Variants in MATR3 observed in about 807,000 individuals in gnomAD.
The protein encoded by MATR3 is matrin-3.
In MATR3, 4 loss-of-function variants were observed where a neutral mutation model predicts 85.5. The ratio of observed to expected loss-of-function variants is 0.05; its 90% CI spans 0.02 to 0.11. The LOEUF is 0.11. Ranked by LOEUF, MATR3 falls within the 10% of genes least tolerant of loss-of-function variation. MATR3 has a pLI of 1.00. For missense variants in MATR3, 685 were observed against 1,016.1 expected (o/e 0.67, Z 4.43); for synonymous variants, 336 against 343.1 (o/e 0.98, Z 0.23).
At chr5:139,288,131 T>C (rs1270418732) in intron 3 of MATR3, among the ~76,000 whole-genome samples, 2 of 152,098 alleles carry the variant, frequency 1.3e-5, no homozygotes, top group African/African-American at 2.4e-5. Context: ...GAAGGAACAC[T>C]TGAGCCCAGG....
At chr5:139,278,873 C>T (rs755118024) in intron 2 of MATR3, 5 of 517,198 alleles carry the variant, frequency 9.7e-6, no homozygotes, top group South Asian at 5.6e-5. Flanking sequence ...AGGTTTGGCT[C>T]CAAGCACTGT....
intron 1 of MATR3, among the ~76,000 whole-genome samples, chr5:139,301,086 A>AT (rs1395430504): frequency 6.6e-6 from 1 of 152,070 alleles, no homozygotes; most frequent in Non-Finnish European, 1.5e-5. Context: ...AAGTGCTAGG[A>AT]TTACAGCCAT....
intron 3 of MATR3, among the ~76,000 whole-genome samples, chr5:139,281,491 C>T (rs530221004): frequency 2.6e-5 from 4 of 151,728 alleles, no homozygotes; most frequent in South Asian, 2.1e-4. Flanking sequence ...TATAGTCACA[C>T]GCCACCACAC....
At position 139,318,992 on chromosome 5, in the gene MATR3, C is replaced by G. The variant is rs1168921142; in HGVS notation, c.1393C>G (p.Pro465Ala). The change falls in exon 8 of 15, where the codon CCA becomes GCA. Residue 465 changes from proline to alanine, a missense_variant. By Grantham distance (27) the Pro-to-Ala change is conservative (BLOSUM62 -1). Transcript: ENST00000394805. The stretch of plus-strand genomic sequence containing the variant: ...CACACCAGCGTTAGTATTTGGCAAG[C>G]CAGTGAGAGTTCATTTATCCCAGAA... ...TTTPALVFGKPVRVHLSQKYK... is the reference protein window; with the variant it reads ...TTTPALVFGKAVRVHLSQKYK... 6.2e-7 allele frequency: 1 copy of G among 1,613,658 alleles called. No homozygotes were observed. The highest frequency in any genetic ancestry group is 1.7e-5 in the Admixed American group (1 of 59,996).
intron 3 of MATR3, among the ~76,000 whole-genome samples, chr5:139,288,449 A>G (rs1044473075): frequency 1.3e-5 from 2 of 152,230 alleles, no homozygotes; most frequent in African/African-American, 2.4e-5. Context: ...ATAGGCAGTC[A>G]TGTTTCTGTC....
At chr5:139,278,718 C>A (rs768639630) in intron 2 of MATR3, 4 of 474,136 alleles carry the variant, frequency 8.4e-6, no homozygotes, top group Admixed American at 2.0e-5. Flanking sequence ...TCAACTGATA[C>A]GTCTTCTACC....
intron 1 of MATR3, among the ~76,000 whole-genome samples, chr5:139,302,637 G>A (rs948839782): frequency 6.6e-6 from 1 of 152,196 alleles, no homozygotes; most frequent in African/African-American, 2.4e-5. Flanking sequence ...CAATATTTTT[G>A]TGTGATTTAT....
chr5:139,280,842 G>GCATTC (rs1753490027), intron 3 of MATR3, among the ~76,000 whole-genome samples: 1 of 27,294 alleles, frequency 3.7e-5, no homozygotes, highest in Non-Finnish European at 6.1e-5. Context: ...TAATTCATTG[G>GCATTC]TATTCCTGTA....
At chr5:139,275,142 ATTTTTTTTTTT>A (rs750841386) in intron 1 of MATR3, among the ~76,000 whole-genome samples, 43 of 40,910 alleles carry the variant, frequency 1.1e-3, no homozygotes, top group East Asian at 7.7e-3. Flanking sequence ...CGCCCGGCTA[ATTTTTTTTTTT>A]TTTTTTTTTT....
intron 2 of MATR3, among the ~76,000 whole-genome samples, chr5:139,309,373 C>T (rs1561934315): frequency 1.3e-5 from 2 of 152,120 alleles, no homozygotes; most frequent in African/African-American, 4.8e-5. Flanking sequence ...GTTACTGTTA[C>T]AGGGTTTTTC....
intron 2 of MATR3, chr5:139,312,235 C>T (rs960169475): frequency 4.6e-5 from 7 of 152,218 alleles, no homozygotes; most frequent in African/African-American, 1.7e-4. Flanking sequence ...CACCCAGGCT[C>T]AAGTGACGCA....
rs1483671131 is a variant in MATR3 at position 139,331,388 on chromosome 5, G to A, written c.*1993G>A. 2 of 453,994 alleles carry A rather than the reference G, an allele frequency of 4.4e-6. No individual in the cohort carries two copies. Among genetic ancestry groups the A allele is most frequent in the Non-Finnish European group, 8.8e-6 (2 of 226,802 alleles). 28.1% of individuals were successfully genotyped at this position (453,994 alleles called of 1,614,324 possible). On this transcript the variant is annotated 3_prime_UTR_variant, in exon 15 of 15. Transcript: ENST00000394805. ...TGGAGTTCTTCAGTGTTTCCTTTCA[G>A]TGATGGCTTTTTCATAGCTTCAACT...
At chr5:139,300,693 C>T (rs1185676637) in intron 1 of MATR3, among the ~76,000 whole-genome samples, 1 of 152,232 alleles carries the variant, frequency 6.6e-6, no homozygotes, top group Non-Finnish European at 1.5e-5. Context: ...GAGTCTCACT[C>T]TGTCACCCAG....
In MATR3 at chr5:139,307,922, A is replaced by G. The variant is rs1336473659; in HGVS notation, c.507A>G (p.Pro169=). 23 of 1,614,016 alleles carry G rather than the reference A, an allele frequency of 1.4e-5. No homozygotes were observed. Among genetic ancestry groups the G allele is most frequent in the Non-Finnish European group, 1.9e-5 (22 of 1,180,032 alleles). The change falls in exon 2 of 15, where the codon CCA becomes CCG. Residue 169 remains proline, a synonymous_variant. Transcript: ENST00000394805. This position sits in a 1 kb window ranked among gnomAD's most constrained non-coding sequence, Gnocchi z 4.4. ...ATGGCAGATCTGCTACACGGGAGCC[A>G]CCATACAGAGTACCTAGGGATGATT... ...GRDGRSATRE[P]PYRVPRDDWE... is the part of the protein sequence containing the mutation.
chr5:139,320,914 A>ATTT (rs5871694), intron 9 of MATR3, among the ~76,000 whole-genome samples: 1 of 118,238 alleles, frequency 8.5e-6, no homozygotes, highest in Non-Finnish European at 1.8e-5. Context: ...CGCCTGGCTA[A>ATTT]TTTTTTTTTT....
At chr5:139,293,899 A>G (rs992311020) in intron 1 of MATR3, 94 bp downstream of exon 1, 41 of 1,029,160 alleles carry the variant, frequency 4.0e-5, no homozygotes, top group Non-Finnish European at 5.0e-5. Flanking sequence ...GGCTGCGGGG[A>G]GCCGGCGGCG....
upstream of MATR3, among the ~76,000 whole-genome samples, chr5:139,289,674 C>T (rs912087576): frequency 6.6e-6 from 1 of 152,186 alleles, no homozygotes; most frequent in African/African-American, 2.4e-5. Flanking sequence ...TGGATTATCC[C>T]ATCTCCTTGT....
In MATR3 at chr5:139,330,587, C is replaced by T; in HGVS notation, c.*1192C>T. On this transcript the variant is annotated 3_prime_UTR_variant, in exon 15 of 15. Coordinates refer to ENST00000394805, the MANE Select transcript of MATR3 (RefSeq NM_018834.6). ...GTTGTTGCTGGTGGATTTCTTGTTC[C>T]TGTTACATAACTAAAAGTGAGGCCA... 2.2e-6 allele frequency: 1 copy of T among 454,040 alleles called. No individual in the cohort carries two copies. The allele number at this position is 454,040 out of a possible 1,614,324, so 28.1% of individuals were successfully genotyped here.
chr5:139,294,772 A>T (rs369611134), intron 1 of MATR3: 1 of 152,086 alleles, frequency 6.6e-6, no homozygotes, highest in East Asian at 1.9e-4. Context: ...TAGTCGCCGC[A>T]TCGTTCTTTG....
Sources: gnomAD v4.1 joint callset for allele counts (sites outside exome capture counted in the v4.1 genomes callset) on GRCh38, gnomAD v4.1.1 for gene constraint, Gnocchi (gnomAD v3.1) non-coding constraint, MANE v1.5 for transcripts, NCBI Gene and HGNC (gene_info 2026-07-23, HGNC 2026-07-21) for gene names.